C1orf21: variants seen among roughly 807,000 people sequenced by gnomAD.
C1orf21 encodes the protein uncharacterized protein C1orf21.
In C1orf21, 3 loss-of-function variants were observed where a neutral mutation model predicts 18.7. The observed-to-expected ratio is 0.16, with a 90% confidence interval of 0.07 to 0.42. The LOEUF (loss-of-function observed/expected upper bound fraction) is 0.42, where lower values mean the gene tolerates loss of function less well. Ranked by LOEUF, C1orf21 falls within the 10% of genes least tolerant of loss-of-function variation. The pLI is 0.99. For synonymous variants in C1orf21, 41 were observed against 46.4 expected, an observed-to-expected ratio of 0.88 and a Z score of 0.47; for missense variants, 104 against 143.6, an observed-to-expected ratio of 0.72 and a Z score of 1.41.
intron 2 of C1orf21, among the ~76,000 whole-genome samples, chr1:184,504,207 C>A (rs142711809): frequency 6.6e-6 from 1 of 152,076 alleles, no homozygotes; most frequent in Non-Finnish European, 1.5e-5. Flanking sequence ...CTGTTCCCGA[C>A]GTGCATTTTA....
intron 1 of C1orf21, among the ~76,000 whole-genome samples, chr1:184,475,690 A>G (rs1026016164): frequency 6.6e-6 from 1 of 152,114 alleles, no homozygotes; most frequent in East Asian, 1.9e-4. Context: ...CATCAAATAG[A>G]AATACTGTAG....
At chr1:184,391,927 C>T (rs1243934070) in intron 1 of C1orf21, among the ~76,000 whole-genome samples, 3 of 151,952 alleles carry the variant, frequency 2.0e-5, no homozygotes, top group Non-Finnish European at 2.9e-5. Flanking sequence ...AGGATGGTCT[C>T]GATCTCTTGA....
At chr1:184,447,278 C>T (rs16823155) in intron 1 of C1orf21, among the ~76,000 whole-genome samples, 4,552 of 152,258 alleles carry the variant, frequency 0.03, 208 homozygotes, top group African/African-American at 0.1. Flanking sequence ...AAATATATAG[C>T]GCTTTGTCTG....
chr1:184,561,176 G>T (rs1345342002), intron 3 of C1orf21, among the ~76,000 whole-genome samples: 1 of 152,130 alleles, frequency 6.6e-6, no homozygotes, highest in East Asian at 1.9e-4. Flanking sequence ...ACCTAAGCCT[G>T]CCAGTGCCAC....
intron 3 of C1orf21, among the ~76,000 whole-genome samples, chr1:184,511,011 C>G (rs1429615432): frequency 6.6e-6 from 1 of 152,066 alleles, no homozygotes; most frequent in African/African-American, 2.4e-5. Context: ...TAAAGAAGAC[C>G]AATGAATCAG....
At chr1:184,560,666 C>A (rs1419417966) in intron 3 of C1orf21, among the ~76,000 whole-genome samples, 1 of 152,254 alleles carries the variant, frequency 6.6e-6, no homozygotes, top group East Asian at 1.9e-4. Flanking sequence ...TTCCTCCCAG[C>A]CATTGACCAC....
intron 1 of C1orf21, among the ~76,000 whole-genome samples, chr1:184,396,982 G>A (rs186184084): frequency 2.0e-4 from 30 of 152,292 alleles, no homozygotes; most frequent in Admixed American, 1.7e-3. Flanking sequence ...TTTTATAAAT[G>A]TGATAGTTGA....
chr1:184,480,864 G>A (rs1657644380), intron 2 of C1orf21, among the ~76,000 whole-genome samples: 1 of 152,154 alleles, frequency 6.6e-6, no homozygotes, highest in African/African-American at 2.4e-5. Flanking sequence ...ACTGGTGGTC[G>A]AGCTGGCTGC....
intron 1 of C1orf21, among the ~76,000 whole-genome samples, chr1:184,407,525 C>T (rs151081791): frequency 2.3e-3 from 348 of 152,320 alleles, no homozygotes; most frequent in Middle Eastern, 0.017. Flanking sequence ...CTGAGTTGTG[C>T]CGCATCCGCT....
At chr1:184,444,159 T>A (rs889949337) in intron 1 of C1orf21, among the ~76,000 whole-genome samples, 1 of 152,120 alleles carries the variant, frequency 6.6e-6, no homozygotes, top group Non-Finnish European at 1.5e-5. Context: ...ATTTTAAATG[T>A]TTTCTTCCTT....
intron 4 of C1orf21, among the ~76,000 whole-genome samples, chr1:184,595,689 G>A (rs1038283170): frequency 2.6e-5 from 4 of 152,156 alleles, no homozygotes; most frequent in Admixed American, 6.5e-5. Flanking sequence ...CAGGTGACCC[G>A]TGTGGGCATT....
chr1:184,561,337 A>G (rs1368343668), intron 3 of C1orf21, among the ~76,000 whole-genome samples: 1 of 152,150 alleles, frequency 6.6e-6, no homozygotes, highest in Non-Finnish European at 1.5e-5. Context: ...AACTTTGCCA[A>G]ACCACCTTGA....
chr1:184,460,306 G>A (rs1056465987), intron 1 of C1orf21, among the ~76,000 whole-genome samples: 1 of 152,142 alleles, frequency 6.6e-6, no homozygotes, highest in Non-Finnish European at 1.5e-5. Flanking sequence ...CCATTGTCAG[G>A]AGAAGGTCAT....
At chr1:184,582,500 C>T (rs1016698371) in intron 3 of C1orf21, among the ~76,000 whole-genome samples, 2 of 152,126 alleles carry the variant, frequency 1.3e-5, no homozygotes, top group African/African-American at 4.8e-5. Flanking sequence ...ATTAGCAGTC[C>T]CAAGAGCCGA....
intron 2 of C1orf21, among the ~76,000 whole-genome samples, chr1:184,491,850 T>C (rs543691186): frequency 2.6e-4 from 39 of 152,336 alleles, no homozygotes; most frequent in Non-Finnish European, 5.0e-4. Context: ...AAAGTAAAGA[T>C]AGGAAATAAC....
intron 2 of C1orf21, among the ~76,000 whole-genome samples, chr1:184,484,846 G>GGT (rs1205720863): frequency 6.6e-6 from 1 of 151,024 alleles, no homozygotes; most frequent in Non-Finnish European, 1.5e-5. Flanking sequence ...CTGATCCTTG[G>GGT]GTGTACCTAA....
At chr1:184,395,728 C>G (rs1656041101) in intron 1 of C1orf21, among the ~76,000 whole-genome samples, 1 of 152,068 alleles carries the variant, frequency 6.6e-6, no homozygotes, top group East Asian at 1.9e-4. Flanking sequence ...CTGGCTTATT[C>G]CCACTGTCCA....
At chr1:184,426,498 C>G (rs905272427) in intron 1 of C1orf21, among the ~76,000 whole-genome samples, 1 of 152,198 alleles carries the variant, frequency 6.6e-6, no homozygotes, top group Admixed American at 6.5e-5. Flanking sequence ...CACCCTATTT[C>G]ATCCCCACAG....
chr1:184,403,271 C>T (rs1287491144), intron 1 of C1orf21, among the ~76,000 whole-genome samples: 1 of 152,182 alleles, frequency 6.6e-6, no homozygotes, highest in East Asian at 1.9e-4. Context: ...GAGTAACCTA[C>T]AACTGTGCGT....
Sources: gnomAD v4.1 joint callset for allele counts (sites outside exome capture counted in the v4.1 genomes callset) on GRCh38, gnomAD v4.1.1 for gene constraint, MANE v1.5 for transcripts, NCBI Gene and HGNC (gene_info 2026-07-23, HGNC 2026-07-21) for gene names.